The following CHODL variants were observed in gnomAD, a reference collection of about 807,000 sequenced individuals.
CHODL encodes chondrolectin, also known as transmembrane protein MT75.
A neutral mutation model predicts 34.5 loss-of-function variants in CHODL; 29 were observed. The observed-to-expected ratio is 0.84, with a 90% CI of 0.63 to 1.15. CHODL has a LOEUF of 1.15. Among genes scored for constraint, CHODL ranks in the 50% most tolerant of loss-of-function variants. The pLI, the probability that CHODL is intolerant of heterozygous loss-of-function variation, is 0.00. For missense variants in CHODL, 332 were observed against 332.5 expected, an observed-to-expected ratio of 1.00 and a Z score of 0.01; for synonymous variants, 125 against 116.1, an observed-to-expected ratio of 1.08 and a Z score of -0.49.
intron 1 of CHODL, among the ~76,000 whole-genome samples, chr21:17,938,872 C>A (rs1248294500): frequency 6.7e-6 from 1 of 150,040 alleles, no homozygotes; most frequent in African/African-American, 2.5e-5. Flanking sequence ...CAATTTACTG[C>A]CTCTGCTGGA....
At chr21:18,221,476 T>C (rs982354750) in intron 2 of CHODL, among the ~76,000 whole-genome samples, 1 of 152,220 alleles carries the variant, frequency 6.6e-6, no homozygotes, top group African/African-American at 2.4e-5. Context: ...TACTTCCTTA[T>C]GTTGATATGT....
intron 2 of CHODL, among the ~76,000 whole-genome samples, chr21:18,227,334 C>G (rs1343966819): frequency 6.6e-6 from 1 of 152,100 alleles, no homozygotes; most frequent in Non-Finnish European, 1.5e-5. Context: ...TAAGTTTTAA[C>G]ATAAATAGCT....
At chr21:17,928,858 A>C (rs1246564543) in intron 1 of CHODL, among the ~76,000 whole-genome samples, 1 of 152,212 alleles carries the variant, frequency 6.6e-6, no homozygotes, top group African/African-American at 2.4e-5. Flanking sequence ...ATACAATAAC[A>C]TTTTAATAAT....
chr21:18,253,784 A>G (rs1046552077), intron 1 of CHODL, among the ~76,000 whole-genome samples: 2 of 152,100 alleles, frequency 1.3e-5, no homozygotes, highest in African/African-American at 4.8e-5. Context: ...ATGGTCATTC[A>G]TACTAATATG....
intron 2 of CHODL, among the ~76,000 whole-genome samples, chr21:18,190,739 G>A (rs2073501268): frequency 6.6e-6 from 1 of 152,120 alleles, no homozygotes; most frequent in Non-Finnish European, 1.5e-5. Flanking sequence ...AAGAGATTTT[G>A]TATAGCAATC....
intron 2 of CHODL, among the ~76,000 whole-genome samples, chr21:18,099,425 T>A (rs1015419489): frequency 6.6e-6 from 1 of 151,466 alleles, no homozygotes; most frequent in African/African-American, 2.4e-5. Flanking sequence ...TATTACAATA[T>A]AAATCTTGTA....
intron 1 of CHODL, chr21:18,245,953 T>C (rs1211751783): frequency 6.5e-7 from 1 of 1,535,070 alleles, no homozygotes; most frequent in African/African-American, 1.4e-5. Context: ...TGGTAATGAC[T>C]GCAGGTTCGG....
chr21:18,009,926 G>C (rs1011372501), intron 1 of CHODL, among the ~76,000 whole-genome samples: 4 of 149,158 alleles, frequency 2.7e-5, no homozygotes. Context: ...AATCAGGAAG[G>C]CTGGAGATAT....
chr21:18,165,132 G>T (rs2146649280), intron 2 of CHODL, among the ~76,000 whole-genome samples: 1 of 152,194 alleles, frequency 6.6e-6, no homozygotes, highest in East Asian at 1.9e-4. Flanking sequence ...TGTCAGTAGT[G>T]TTCCCCAAGT....
rs181423235 is a variant in CHODL at position 18,021,872 on chromosome 21, G to A, written c.-144-6000G>A. 4.6e-3 allele frequency among the ~76,000 whole-genome samples: 699 copies of A among 152,262 alleles called. 6 individuals carry two copies. Among genetic ancestry groups the A allele is most frequent in the Admixed American group, 0.032 (486 of 15,280 alleles). On this transcript the variant is annotated intron_variant, in intron 1 of 6. Coordinates refer to the CHODL transcript ENST00000400127. ...GTGTTCCTAAAACATCACTGCAAGA[G>A]TGTTATTATCTGAATATTTGTGTCC...
chr21:18,177,480 A>G (rs973365255), intron 2 of CHODL, among the ~76,000 whole-genome samples: 3 of 152,152 alleles, frequency 2.0e-5, no homozygotes, highest in Non-Finnish European at 2.9e-5. Flanking sequence ...CAAAATTTAC[A>G]AAATTATATT....
At chr21:17,926,449 A>T (rs932681107) in intron 1 of CHODL, among the ~76,000 whole-genome samples, 1 of 150,488 alleles carries the variant, frequency 6.6e-6, no homozygotes, top group Non-Finnish European at 1.5e-5. Context: ...GAGATTGGAT[A>T]GTTTATAAAG....
chr21:18,132,456 G>T (rs967448281), intron 2 of CHODL, among the ~76,000 whole-genome samples: 5 of 152,106 alleles, frequency 3.3e-5, no homozygotes, highest in African/African-American at 1.2e-4. Flanking sequence ...TGATAAAAGT[G>T]AGTTCTTTGA....
chr21:18,250,881 C>T (rs1297797609), intron 1 of CHODL, among the ~76,000 whole-genome samples: 1 of 151,486 alleles, frequency 6.6e-6, no homozygotes, highest in Non-Finnish European at 1.5e-5. Context: ...AATGGTAGAT[C>T]ATAATTGAAC....
intron 1 of CHODL, among the ~76,000 whole-genome samples, chr21:17,973,411 T>A (rs2063633117): frequency 7.8e-6 from 1 of 127,894 alleles, no homozygotes. Context: ...TTTCTTTTCT[T>A]TCTTTCTTTT....
chr21:17,935,693 ATATAT>A (rs1255601064), intron 1 of CHODL, among the ~76,000 whole-genome samples: 1 of 152,248 alleles, frequency 6.6e-6, no homozygotes, highest in African/African-American at 2.4e-5. Context: ...GTGTATCCTG[ATATAT>A]TAAATCTCTA....
intron 2 of CHODL, among the ~76,000 whole-genome samples, chr21:18,186,973 T>C (rs1028394844): frequency 1.1e-4 from 16 of 152,298 alleles, no homozygotes; most frequent in East Asian, 9.7e-4. Context: ...GATGGTACCA[T>C]GCTTTTGAAA....
At chr21:18,070,006 T>TCCCTTCCCTTCCCTC in intron 2 of CHODL, among the ~76,000 whole-genome samples, 1 of 67,092 alleles carries the variant, frequency 1.5e-5, no homozygotes, top group East Asian at 3.3e-4. Flanking sequence ...TCCCTTCCCT[T>TCCCTTCCCTTCCCTC]CCCTTCCCTT....
At chr21:18,138,134 C>T (rs2072755371) in intron 2 of CHODL, among the ~76,000 whole-genome samples, 1 of 150,112 alleles carries the variant, frequency 6.7e-6, no homozygotes, top group South Asian at 2.1e-4. Context: ...ATGTGTCCAA[C>T]AACTTATATC....
Sources: gnomAD v4.1 joint callset for allele counts (sites outside exome capture counted in the v4.1 genomes callset) on GRCh38, gnomAD v4.1.1 for gene constraint, MANE v1.5 for transcripts, NCBI Gene and HGNC (gene_info 2026-07-23, HGNC 2026-07-21) for gene names.